Variants in SCTR observed in about 807,000 individuals in gnomAD.
SCTR encodes secretin receptor.
Under a neutral mutation model 60.8 loss-of-function variants are expected in SCTR, and 56 were observed. That is an observed-to-expected ratio of 0.92 (90% CI 0.74 to 1.15). The LOEUF (loss-of-function observed/expected upper bound fraction) is 1.15. Among genes scored for constraint, SCTR ranks in the 50% most tolerant of loss-of-function variants. The pLI, the probability that SCTR is intolerant of heterozygous loss-of-function variation, is 0.00. For synonymous variants in SCTR, 202 were observed against 217.0 expected (o/e 0.93, Z 0.61); for missense variants, 562 against 550.4 (o/e 1.02, Z -0.21).
chr2:119,505,607 C>CA (rs372777386), intron 1 of SCTR, among the ~76,000 whole-genome samples: 22,934 of 150,340 alleles, frequency 0.15, 2,170 homozygotes, highest in Non-Finnish European at 0.21. Context: ...ATCGCAAGGA[C>CA]AAAAAACCAA....
At chr2:119,515,974 G>A (rs1207368926) in intron 1 of SCTR, among the ~76,000 whole-genome samples, 1 of 152,152 alleles carries the variant, frequency 6.6e-6, no homozygotes, top group African/African-American at 2.4e-5. Context: ...ATGAAAAGCT[G>A]CTCAACATCA....
intron 3 of SCTR, among the ~76,000 whole-genome samples, chr2:119,474,763 T>A (rs1358899543): frequency 6.6e-6 from 1 of 152,222 alleles, no homozygotes; most frequent in Non-Finnish European, 1.5e-5. Context: ...TGAGCTATCA[T>A]GCCCAGCCAC....
intron 9 of SCTR, among the ~76,000 whole-genome samples, chr2:119,449,461 G>A (rs1683062018): frequency 6.6e-6 from 1 of 152,008 alleles, no homozygotes; most frequent in African/African-American, 2.4e-5. Context: ...TATCTTAAAA[G>A]GTCAAATGCA....
Position 119,524,418 on chromosome 2 carries a change from T to G in SCTR, c.-192A>C. The G allele has an allele frequency of 2.6e-6, 1 of 381,686 alleles. No individual in the cohort carries two copies. The highest frequency in any genetic ancestry group is 4.0e-5 in the East Asian group (1 of 24,984). The allele number at this position is 381,686 out of a possible 1,614,324, so 23.6% of individuals were successfully genotyped here. ...CCTCGGACCAGGTGGCCGCGCGCGC[T>G]AAGCCGCCCGCCCCATTGATCAGGA... On this transcript the variant is annotated 5_prime_UTR_variant, in exon 1 of 13. It removes the in-frame stop codon of an upstream open reading frame in the 5' UTR. Coordinates refer to ENST00000019103, the MANE Select transcript of SCTR (RefSeq NM_002980.3).
rs1245943929 is a variant in SCTR, at chr2:119,524,175, G to T, written c.52C>A (p.Leu18Ile). The T allele has an allele frequency of 4.6e-6, 7 of 1,532,996 alleles. No homozygotes were observed. Among genetic ancestry groups the T allele is most frequent in the Non-Finnish European group, 6.1e-6 (7 of 1,138,856 alleles). 95.0% of individuals were successfully genotyped at this position (1,532,996 alleles called of 1,614,324 possible). A position where few individuals can be genotyped will look rare whatever the true frequency, so the allele number is the denominator to read the frequency against. ...CTCACCGAGTGCGCGGCGCAGGCGA[G>T]CAGCACCGGCAGTAGTAGCTGCTGC... is the stretch of plus-strand genomic sequence containing the variant. ...PLQQLLLPVL[L>I]ACAAHSTGAL... Residue 18 changes from leucine (L) to isoleucine (I), a missense_variant, in exon 1 of 13, where the codon CTC (leucine) becomes ATC (isoleucine). Coordinates refer to ENST00000019103, the MANE Select transcript of SCTR (RefSeq NM_002980.3).
At chr2:119,523,253 A>AC (rs1023389862) in intron 1 of SCTR, among the ~76,000 whole-genome samples, 2 of 148,932 alleles carry the variant, frequency 1.3e-5, no homozygotes, top group Admixed American at 6.7e-5. Flanking sequence ...CCCACCTCTA[A>AC]CCCCCACTCC....
rs564793180 is a variant in SCTR at position 119,499,728 on chromosome 2, G to A, written c.73-5180C>T. Among the ~76,000 whole-genome samples the A allele has an allele frequency of 7.9e-5, 12 of 152,050 alleles. No individual in the cohort carries two copies. The South Asian group carries it at 2.1e-3, about 26-fold the overall frequency. Reference sequence around the variant, plus strand: ...GAAAAATTATTTGAGAAAATTCAATGTCCATTAATGAAAAAACTCTCAGAA... The same window carrying A: ...GAAAAATTATTTGAGAAAATTCAATATCCATTAATGAAAAAACTCTCAGAA... On this transcript the variant is annotated intron_variant, in intron 1 of 12. Coordinates refer to ENST00000019103, the MANE Select transcript of SCTR (RefSeq NM_002980.3).
At chr2:119,441,483 C>T in intron 12 of SCTR, 75 bp downstream of exon 12, 1 of 1,198,380 alleles carries the variant, frequency 8.3e-7, no homozygotes, top group Non-Finnish European at 1.2e-6. Flanking sequence ...CCACCCCTCC[C>T]AGGTAGCTCC....
In SCTR at chr2:119,448,725, G is replaced by T. The variant is rs772583755; in HGVS notation, c.977C>A (p.Thr326Asn). Residue 326 changes from threonine (T) to asparagine (N), a missense_variant, in exon 10 of 13, where the codon ACC (threonine) becomes AAC (asparagine). Physicochemically the swap from Thr to Asn is moderately conservative, Grantham distance 65. Transcript: ENST00000019103. ...GACTTCATTTCCTCTTGTTTCTTGGGTTCTAAGTTTTCTCATCAGGATTCT... is the reference window on the plus strand; with the variant it reads ...GACTTCATTTCCTCTTGTTTCTTGGTTTCTAAGTTTTCTCATCAGGATTCT... ...ILRILMRKLR[T>N]QETRGNEVSH... 1.9e-6 allele frequency: 3 copies of T among 1,602,554 alleles called. No individual in the cohort carries two copies. The South Asian group carries it at 3.3e-5, about 18-fold the overall frequency.
At chr2:119,493,126 G>A (rs1177924188) in intron 2 of SCTR, among the ~76,000 whole-genome samples, 1 of 152,158 alleles carries the variant, frequency 6.6e-6, no homozygotes. Context: ...CAAAGTGCTG[G>A]GATTACAGGC....
At position 119,465,868 on chromosome 2, in the gene SCTR, G is replaced by A; in HGVS notation, c.424C>T (p.Leu142=). Residue 142 remains leucine (L), a synonymous_variant, in exon 5 of 13, where the codon CTG becomes TTG. Coordinates refer to ENST00000019103, the MANE Select transcript of SCTR (RefSeq NM_002980.3). ...TAGCCCACGGTGTACATGACTTTCA[G>A]CTTCAGCAGGTAGGAGTGCTGCAGA... ...NEKRHSYLLK[L]KVMYTVGYSS... 1 of 1,613,790 alleles carries A rather than the reference G, an allele frequency of 6.2e-7. No individual in the cohort carries two copies. Among genetic ancestry groups the A allele is most frequent in the Non-Finnish European group, 8.5e-7 (1 of 1,179,702 alleles).
chr2:119,453,643 T>C (rs1283055299), intron 7 of SCTR, among the ~76,000 whole-genome samples: 3 of 152,156 alleles, frequency 2.0e-5, no homozygotes, highest in Middle Eastern at 3.2e-3. Flanking sequence ...CTGCAAAGTA[T>C]AGAGGGGCTG....
At chr2:119,465,676 C>A (rs1573834524) in intron 5 of SCTR, 113 bp downstream of exon 5, 1 of 726,294 alleles carries the variant, frequency 1.4e-6, no homozygotes, top group East Asian at 2.5e-5. Flanking sequence ...GATCAAGAGA[C>A]GACAAGGTAG....
intron 1 of SCTR, among the ~76,000 whole-genome samples, chr2:119,518,217 C>G (rs755632563): frequency 3.9e-5 from 6 of 152,162 alleles, no homozygotes; most frequent in African/African-American, 1.4e-4. Context: ...GATAACACAG[C>G]TGACTAAGAC....
chr2:119,504,315 A>G (rs2579600), intron 1 of SCTR, among the ~76,000 whole-genome samples: 65,038 of 152,054 alleles, frequency 0.43, 14,532 homozygotes, highest in East Asian at 0.86. Flanking sequence ...ATAGGAGCTC[A>G]GCTGCAGTGG....
intron 1 of SCTR, among the ~76,000 whole-genome samples, chr2:119,507,770 C>T (rs1187216322): frequency 2.7e-5 from 4 of 150,312 alleles, no homozygotes; most frequent in African/African-American, 9.8e-5. Context: ...CCTCTGCCTC[C>T]CAGGTTCAAG....
At chr2:119,512,458 G>A (rs563157015) in intron 1 of SCTR, among the ~76,000 whole-genome samples, 4 of 151,832 alleles carry the variant, frequency 2.6e-5, no homozygotes, top group South Asian at 2.1e-4. Context: ...GTGCAGTGGC[G>A]CAATCTCAGC....
intron 1 of SCTR, among the ~76,000 whole-genome samples, chr2:119,507,249 T>C (rs1678770000): frequency 1.3e-5 from 2 of 152,222 alleles, no homozygotes; most frequent in African/African-American, 4.8e-5. Flanking sequence ...AATACCGTGA[T>C]GTTAAACAGG....
At chr2:119,475,236 A>G (rs755924871) in intron 3 of SCTR, among the ~76,000 whole-genome samples, 2 of 152,202 alleles carry the variant, frequency 1.3e-5, no homozygotes, top group Non-Finnish European at 2.9e-5. Context: ...ACGGTGGTCA[A>G]ATTTAGGCTG....
Sources: allele counts gnomAD v4.1 joint callset (sites outside exome capture counted in the v4.1 genomes callset), GRCh38; gene constraint gnomAD v4.1.1; transcripts MANE v1.5; gene names NCBI Gene and HGNC (gene_info 2026-07-23, HGNC 2026-07-21).